The following LDLRAD4 variants were observed in gnomAD, a reference collection of about 807,000 sequenced individuals.
LDLRAD4 encodes low density lipoprotein receptor class A domain containing 4, also known as low-density lipoprotein receptor class A domain-containing protein 4.
LDLRAD4 carries 5 observed loss-of-function variants against 17.0 expected under a neutral mutation model. The observed-to-expected ratio is 0.29, with a 90% CI of 0.15 to 0.62. LDLRAD4 has a LOEUF of 0.62. Among genes scored for constraint, LDLRAD4 ranks in the 20% least tolerant of loss-of-function variants. The pLI, the probability that LDLRAD4 is intolerant of heterozygous loss-of-function variation, is 0.84. For synonymous variants in LDLRAD4, 168 were observed against 171.8 expected (o/e 0.98, Z 0.17); for missense variants, 340 against 424.7 (o/e 0.80, Z 1.75).
chr18:13,338,215 A>G (rs2082203303), intron 1 of LDLRAD4, among the ~76,000 whole-genome samples: 1 of 152,060 alleles, frequency 6.6e-6, no homozygotes, highest in African/African-American at 2.4e-5. Flanking sequence ...ATCATCCACC[A>G]TGTTTCCTTT....
intron 1 of LDLRAD4, among the ~76,000 whole-genome samples, chr18:13,287,741 A>G (rs140376605): frequency 2.5e-4 from 38 of 152,348 alleles, no homozygotes; most frequent in Non-Finnish European, 4.7e-4. Flanking sequence ...ATTTAGTCCC[A>G]ATTGAAACCT....
intron 3 of LDLRAD4, among the ~76,000 whole-genome samples, chr18:13,498,935 G>A (rs28387969): frequency 0.14 from 19,952 of 146,580 alleles, 3,039 homozygotes; most frequent in African/African-American, 0.39. Context: ...CGTGGACACC[G>A]GAGAATCCTT....
intron 3 of LDLRAD4, among the ~76,000 whole-genome samples, chr18:13,552,341 G>A (rs2094442868): frequency 6.6e-6 from 1 of 152,262 alleles, no homozygotes; most frequent in Non-Finnish European, 1.5e-5. Context: ...TCCCAGGGCT[G>A]CTGGAAGGCA....
intron 3 of LDLRAD4, among the ~76,000 whole-genome samples, chr18:13,510,297 T>C (rs1321390994): frequency 1.3e-5 from 2 of 152,148 alleles, no homozygotes. Context: ...GGACCTATGA[T>C]TTTAGCTAAA....
chr18:13,335,481 A>G (rs2082062482), intron 1 of LDLRAD4, among the ~76,000 whole-genome samples: 1 of 152,048 alleles, frequency 6.6e-6, no homozygotes, highest in Admixed American at 6.6e-5. Context: ...CAACACTACA[A>G]TTTTTGCTGG....
intron 3 of LDLRAD4, chr18:13,611,689 T>C: frequency 3.0e-6 from 3 of 985,430 alleles, no homozygotes; most frequent in Non-Finnish European, 3.6e-6. Context: ...ATCCTGACTT[T>C]GAAGGAGTCT....
intron 3 of LDLRAD4, among the ~76,000 whole-genome samples, chr18:13,567,694 C>A (rs566358796): frequency 3.3e-5 from 5 of 150,962 alleles, no homozygotes; most frequent in African/African-American, 1.2e-4. Flanking sequence ...ATAATTGTGA[C>A]GTTGGTAAAA....
At chr18:13,377,453 C>T (rs1030659949) in intron 1 of LDLRAD4, among the ~76,000 whole-genome samples, 4 of 152,144 alleles carry the variant, frequency 2.6e-5, no homozygotes, top group Non-Finnish European at 5.9e-5. Context: ...CGTGCCTTCT[C>T]CCAGGTGGTT....
At chr18:13,240,691 A>G (rs1286150581) in intron 1 of LDLRAD4, 1 of 152,394 alleles carries the variant, frequency 6.6e-6, no homozygotes, top group Non-Finnish European at 1.5e-5. Flanking sequence ...CTGTGCAGGC[A>G]TCTGTTCTCC....
At chr18:13,230,539 C>T (rs2042018891) in intron 1 of LDLRAD4, among the ~76,000 whole-genome samples, 2 of 150,606 alleles carry the variant, frequency 1.3e-5, no homozygotes, top group Non-Finnish European at 2.9e-5. Context: ...TATACATGAC[C>T]TGTGTGCTTA....
chr18:13,329,520 G>A (rs1407023454), intron 1 of LDLRAD4, among the ~76,000 whole-genome samples: 1 of 152,066 alleles, frequency 6.6e-6, no homozygotes, highest in Non-Finnish European at 1.5e-5. Context: ...TAGATGATGT[G>A]GTCAAATCTA....
At chr18:13,599,208 C>A (rs2095131078) in intron 3 of LDLRAD4, among the ~76,000 whole-genome samples, 1 of 152,034 alleles carries the variant, frequency 6.6e-6, no homozygotes, top group African/African-American at 2.4e-5. Flanking sequence ...TTTGCCACAC[C>A]CACTCAGTGT....
At chr18:13,459,159 C>CAAAAAAAAAAAA (rs534798084) in intron 3 of LDLRAD4, among the ~76,000 whole-genome samples, 2 of 53,736 alleles carry the variant, frequency 3.7e-5, no homozygotes, top group African/African-American at 1.2e-4. Context: ...ATCTCTACAC[C>CAAAAAAAAAAAA]AAAAAAAAAA....
chr18:13,612,129 G>A (rs1388764664), intron 3 of LDLRAD4: 5 of 986,028 alleles, frequency 5.1e-6, no homozygotes, highest in Non-Finnish European at 6.0e-6. Flanking sequence ...AAGGAGTATT[G>A]TGTGAGACTT....
At chr18:13,624,264 G>C (rs895643687) in intron 4 of LDLRAD4, among the ~76,000 whole-genome samples, 1 of 152,220 alleles carries the variant, frequency 6.6e-6, no homozygotes, top group Non-Finnish European at 1.5e-5. Flanking sequence ...GTCTCTCTAG[G>C]CTGGCTCTGA....
intron 1 of LDLRAD4, among the ~76,000 whole-genome samples, chr18:13,357,442 A>G: frequency 6.6e-6 from 1 of 152,034 alleles, no homozygotes; most frequent in East Asian, 1.9e-4. Context: ...TTATTTGTTA[A>G]AGACACTGGA....
chr18:13,301,583 G>A (rs2046606587), intron 1 of LDLRAD4, among the ~76,000 whole-genome samples: 1 of 152,204 alleles, frequency 6.6e-6, no homozygotes, highest in Non-Finnish European at 1.5e-5. Context: ...AGAGACGGAA[G>A]CTCACCTTGT....
At chr18:13,231,379 G>C (rs1202597564) in intron 1 of LDLRAD4, among the ~76,000 whole-genome samples, 3 of 152,202 alleles carry the variant, frequency 2.0e-5, no homozygotes, top group African/African-American at 7.2e-5. Flanking sequence ...AGCATGTCGG[G>C]TGGCCCTTGC....
At chr18:13,591,781 C>T (rs1213158765) in intron 3 of LDLRAD4, among the ~76,000 whole-genome samples, 2 of 151,696 alleles carry the variant, frequency 1.3e-5, no homozygotes, top group African/African-American at 4.8e-5. Context: ...TAGAACTAAG[C>T]GGTCACTTGT....
Sources: gnomAD v4.1 joint callset for allele counts (sites outside exome capture counted in the v4.1 genomes callset) on GRCh38, gnomAD v4.1.1 for gene constraint, MANE v1.5 for transcripts, NCBI Gene and HGNC (gene_info 2026-07-23, HGNC 2026-07-21) for gene names.